ZC3H12B: variants seen among roughly 807,000 people sequenced by gnomAD.
ZC3H12B encodes probable ribonuclease ZC3H12B.
Under a neutral mutation model 43.9 loss-of-function variants are expected in ZC3H12B, and 7 were observed. The observed-to-expected ratio is 0.16, with a 90% CI of 0.09 to 0.30. ZC3H12B has a LOEUF of 0.30. Ranked by LOEUF, ZC3H12B falls within the 10% of genes least tolerant of loss-of-function variation. The pLI is 1.00. For synonymous variants in ZC3H12B, 222 were observed against 241.7 expected (o/e 0.92, Z 0.76); for missense variants, 475 against 670.2 (o/e 0.71, Z 3.22).
chrX:65,427,440 C>T (rs898904000), intron 3 of ZC3H12B, among the ~76,000 whole-genome samples: 2 of 110,768 alleles, frequency 1.8e-5, no homozygotes, highest in African/African-American at 3.3e-5. Flanking sequence ...GAGATTCTTC[C>T]ACCTCAGCCT....
chrX:65,100,541 G>A, the ZC3H12B span, among the ~76,000 whole-genome samples: 3 of 47,120 alleles, frequency 6.4e-5, no homozygotes, highest in African/African-American at 1.8e-4. Context: ...AGGGATGGAG[G>A]AATATTTACC....
At chrX:65,302,162 A>T in the ZC3H12B span, among the ~76,000 whole-genome samples, 3 of 111,201 alleles carry the variant, frequency 2.7e-5, no homozygotes, top group Non-Finnish European at 5.7e-5. Context: ...GTTATACTGG[A>T]TGTCCTAGGT....
chrX:65,357,094 A>T, the ZC3H12B span: 1 of 528,748 alleles, frequency 1.9e-6, no homozygotes, highest in East Asian at 3.6e-5. Context: ...TGCCCACCAC[A>T]AGCTCCAAAG....
At chrX:65,192,265 A>T in the ZC3H12B span, among the ~76,000 whole-genome samples, 3 of 111,618 alleles carry the variant, frequency 2.7e-5, no homozygotes, top group Non-Finnish European at 5.6e-5. Flanking sequence ...TGCTGAAAAA[A>T]ATGTATATTT....
At chrX:65,173,134 C>T in the ZC3H12B span, among the ~76,000 whole-genome samples, 5 of 111,701 alleles carry the variant, frequency 4.5e-5, no homozygotes, top group South Asian at 1.5e-3. Flanking sequence ...AGACGTCCTT[C>T]CTGTGCCTTG....
chrX:65,449,865 G>T (rs1351738087), intron 3 of ZC3H12B, among the ~76,000 whole-genome samples: 1 of 110,820 alleles, frequency 9.0e-6, no homozygotes, highest in Non-Finnish European at 1.9e-5. Context: ...ATGAGGGTAA[G>T]AGGGGACTAA....
chrX:65,119,532 G>A, the ZC3H12B span, among the ~76,000 whole-genome samples: 10 of 111,552 alleles, frequency 9.0e-5, no homozygotes, highest in South Asian at 3.8e-3. Context: ...GTTCATTGTA[G>A]ATTCTGGATA....
At chrX:65,125,140 A>G in the ZC3H12B span, among the ~76,000 whole-genome samples, 1 of 111,343 alleles carries the variant, frequency 9.0e-6, no homozygotes, top group African/African-American at 3.3e-5. Context: ...CTTTCCTCAT[A>G]GCACCACTTT....
At chrX:65,212,197 A>G in the ZC3H12B span, among the ~76,000 whole-genome samples, 2 of 43,355 alleles carry the variant, frequency 4.6e-5, no homozygotes, top group Non-Finnish European at 7.4e-5. Context: ...ATTATATAAT[A>G]TAATTATTAT....
chrX:65,196,955 T>C, the ZC3H12B span, among the ~76,000 whole-genome samples: 1 of 111,502 alleles, frequency 9.0e-6, no homozygotes, highest in Admixed American at 9.5e-5. Flanking sequence ...GGCAAAGCGA[T>C]CAGGTACCTA....
At chrX:65,229,506 A>G in the ZC3H12B span, among the ~76,000 whole-genome samples, 1 of 110,513 alleles carries the variant, frequency 9.0e-6, no homozygotes, top group Non-Finnish European at 1.9e-5. Context: ...ACCAAAAGCA[A>G]TGGCAACAAA....
the ZC3H12B span, among the ~76,000 whole-genome samples, chrX:65,314,525 A>C: frequency 4.5e-5 from 5 of 112,268 alleles, 1 homozygote; most frequent in Admixed American, 9.5e-5. Flanking sequence ...TAAATGAACT[A>C]TCCATCCAGA....
intron 2 of ZC3H12B, among the ~76,000 whole-genome samples, chrX:65,383,252 G>A (rs746607844): frequency 8.9e-6 from 1 of 111,854 alleles, no homozygotes; most frequent in Non-Finnish European, 1.9e-5. Context: ...TACCAAAACA[G>A]AGATATAGAT....
chrX:65,366,795 T>TC (rs1282636558), intron 1 of ZC3H12B, 29 bp downstream of exon 3: 1 of 112,193 alleles, frequency 8.9e-6, no homozygotes, highest in African/African-American at 3.2e-5. Flanking sequence ...AGGATACATA[T>TC]CTACATTTGC....
At chrX:65,139,572 T>C in the ZC3H12B span, among the ~76,000 whole-genome samples, 3 of 109,968 alleles carry the variant, frequency 2.7e-5, no homozygotes, top group African/African-American at 1.0e-4. Context: ...TTGGCACCTT[T>C]TGTGGTCCCT....
the ZC3H12B span, among the ~76,000 whole-genome samples, chrX:65,249,958 C>G: frequency 2.7e-5 from 3 of 109,249 alleles, no homozygotes; most frequent in East Asian, 2.9e-4. Context: ...TTTATTATAC[C>G]TTAAGTTCTA....
chrX:65,119,770 A>C, the ZC3H12B span, among the ~76,000 whole-genome samples: 1 of 111,647 alleles, frequency 9.0e-6, no homozygotes, highest in Non-Finnish European at 1.9e-5. Flanking sequence ...TAGGATTTTT[A>C]TGGTTTTAGG....
chrX:65,288,447 G>A, the ZC3H12B span, among the ~76,000 whole-genome samples: 30 of 112,295 alleles, frequency 2.7e-4, no homozygotes, highest in Non-Finnish European at 2.4e-4. Flanking sequence ...GCATGAAAAA[G>A]TAATACACCA....
At chrX:65,460,231 A>G (rs1602484692) in intron 3 of ZC3H12B, among the ~76,000 whole-genome samples, 1 of 111,994 alleles carries the variant, frequency 8.9e-6, no homozygotes, top group Middle Eastern at 4.6e-3. Context: ...ATGGAAGAAC[A>G]TTCCATGCTC....
Sources: gnomAD v4.1 joint callset for allele counts (sites outside exome capture counted in the v4.1 genomes callset) on GRCh38, gnomAD v4.1.1 for gene constraint, MANE v1.5 for transcripts, NCBI Gene and HGNC (gene_info 2026-07-23, HGNC 2026-07-21) for gene names.